NRF1: variants seen among roughly 807,000 people sequenced by gnomAD.
NRF1 encodes nuclear respiratory factor 1.
NRF1 carries 5 observed loss-of-function variants against 58.5 expected under a neutral mutation model. The observed-to-expected ratio is 0.09, with a 90% confidence interval of 0.04 to 0.18. The LOEUF is 0.18. Among genes scored for constraint, NRF1 ranks in the 10% least tolerant of loss-of-function variants. NRF1 has a pLI of 1.00. For missense variants in NRF1, 288 were observed against 657.7 expected (o/e 0.44, Z 6.15); for synonymous variants, 224 against 246.7 (o/e 0.91, Z 0.86).
At chr7:129,686,387 T>C (rs943702009) in intron 4 of NRF1, among the ~76,000 whole-genome samples, 2 of 152,164 alleles carry the variant, frequency 1.3e-5, no homozygotes, top group African/African-American at 4.8e-5. Context: ...GACTTTGTCC[T>C]ATAAGAAGTG....
intron 8 of NRF1, among the ~76,000 whole-genome samples, chr7:129,715,090 T>C (rs942004279): frequency 1.3e-5 from 2 of 152,200 alleles, no homozygotes; most frequent in African/African-American, 4.8e-5. Flanking sequence ...CCAGTATTTA[T>C]TGAGCAAAAC....
At chr7:129,615,047 G>T (rs1382924793) in intron 1 of NRF1, among the ~76,000 whole-genome samples, 3 of 152,138 alleles carry the variant, frequency 2.0e-5, no homozygotes, top group Admixed American at 2.0e-4. Flanking sequence ...TAAAGTTGAA[G>T]AATAATAACA....
intron 10 of NRF1, among the ~76,000 whole-genome samples, chr7:129,750,287 A>T (rs934035563): frequency 6.6e-6 from 1 of 152,214 alleles, no homozygotes; most frequent in South Asian, 2.1e-4. Context: ...ATGCAGGGAC[A>T]GTCCCAGCCT....
At chr7:129,626,662 T>A (rs1029133611) in intron 1 of NRF1, among the ~76,000 whole-genome samples, 2 of 152,230 alleles carry the variant, frequency 1.3e-5, no homozygotes, top group African/African-American at 4.8e-5. Context: ...CCTACTTTGG[T>A]GCTATCAGAT....
intron 2 of NRF1, among the ~76,000 whole-genome samples, chr7:129,670,651 T>G (rs796116804): frequency 1.7e-4 from 26 of 152,360 alleles, no homozygotes; most frequent in African/African-American, 5.8e-4. Flanking sequence ...TTAAAAAGAT[T>G]GTCTTTGATA....
chr7:129,744,311 C>A, intron 10 of NRF1: 3 of 1,251,076 alleles, frequency 2.4e-6, no homozygotes, highest in Non-Finnish European at 3.4e-6. Flanking sequence ...CTGCTTCCTG[C>A]TTGGATGGTG....
At chr7:129,623,914 A>G (rs1357021925) in intron 1 of NRF1, among the ~76,000 whole-genome samples, 2 of 152,230 alleles carry the variant, frequency 1.3e-5, no homozygotes, top group Non-Finnish European at 2.9e-5. Flanking sequence ...GGCGGGAGGT[A>G]GAGAATCTGA....
chr7:129,732,780 T>G (rs1803613292), intron 10 of NRF1, among the ~76,000 whole-genome samples: 1 of 152,082 alleles, frequency 6.6e-6, no homozygotes, highest in South Asian at 2.1e-4. Context: ...TTTTGTATTT[T>G]CAGTAGAGAC....
At chr7:129,731,553 A>G (rs1364698935) in intron 10 of NRF1, among the ~76,000 whole-genome samples, 1 of 152,172 alleles carries the variant, frequency 6.6e-6, no homozygotes, top group Non-Finnish European at 1.5e-5. Context: ...CTTTTCATTT[A>G]GATGTAGGTA....
chr7:129,643,049 A>G (rs899714439), intron 1 of NRF1, among the ~76,000 whole-genome samples: 3 of 152,190 alleles, frequency 2.0e-5, no homozygotes, highest in East Asian at 1.9e-4. Context: ...TACACATGCT[A>G]CAATAATGTA....
chr7:129,755,118 G>T lies in NRF1; in HGVS notation c.1449G>T (p.Arg483Ser), dbSNP rs756912629. The T allele has an allele frequency of 2.2e-5, 36 of 1,614,038 alleles. No homozygotes were observed. The highest frequency in any genetic ancestry group is 3.1e-5 in the Non-Finnish European group (36 of 1,179,978). ...TGGCCATGGCCCCTGTGACCACCAG[G>T]ATATCAGACAGCGCAGTCACCATGG... The part of the protein sequence containing the change: ...VQVAMAPVTT[R>S]ISDSAVTMDG... Residue 483 changes from arginine to serine, a missense_variant, in exon 11 of 11, where the codon AGG becomes AGT. Around this residue, in one of 3 missense-constraint regions of NRF1, gnomAD observed 28 missense variants for 32.6 expected, o/e 0.86. Transcript: ENST00000393232. The surrounding 1 kb of genome is among the most constrained non-coding windows in gnomAD (Gnocchi z 5.8).
At chr7:129,718,604 G>A (rs1803244381) in intron 9 of NRF1, among the ~76,000 whole-genome samples, 1 of 152,204 alleles carries the variant, frequency 6.6e-6, no homozygotes. Flanking sequence ...TACTTAGAGT[G>A]TAACTCACTA....
intron 9 of NRF1, among the ~76,000 whole-genome samples, chr7:129,721,955 C>T (rs1803337291): frequency 6.6e-6 from 1 of 152,168 alleles, no homozygotes; most frequent in Non-Finnish European, 1.5e-5. Flanking sequence ...TTCTTTCCTA[C>T]AGGTAAAGAT....
At chr7:129,688,069 C>T (rs1802482466) in intron 4 of NRF1, among the ~76,000 whole-genome samples, 1 of 152,152 alleles carries the variant, frequency 6.6e-6, no homozygotes, top group Non-Finnish European at 1.5e-5. Context: ...AAGTAGTAAC[C>T]TAATGATTTT....
At chr7:129,720,103 G>A (rs1803285978) in intron 9 of NRF1, among the ~76,000 whole-genome samples, 2 of 152,204 alleles carry the variant, frequency 1.3e-5, no homozygotes, top group Non-Finnish European at 2.9e-5. Flanking sequence ...GAAGGAGAAT[G>A]TGTTCACTGT....
Position 129,741,312 on chromosome 7 carries a change from T to TC in NRF1, c.1349-13704dup. Among the ~76,000 whole-genome samples, 1 of 152,178 alleles carries TC rather than the reference T, an allele frequency of 6.6e-6. No individual in the cohort carries two copies. The highest frequency in any genetic ancestry group is 1.5e-5 in the Non-Finnish European group (1 of 68,030). On this transcript the variant is annotated intron_variant, in intron 10 of 10. Transcript: ENST00000393232. The surrounding 1 kb of genome is among the most constrained non-coding windows in gnomAD (Gnocchi z 4.0). ...TGTGGTCTCCTCTCCATCCACGGTG[T>TC]CCTCAAGGCCAAGTTACATGCTTCT...
chr7:129,683,111 C>T (rs1467730459), intron 4 of NRF1, among the ~76,000 whole-genome samples: 2 of 151,628 alleles, frequency 1.3e-5, no homozygotes, highest in East Asian at 1.9e-4. Flanking sequence ...CCATGTTGGC[C>T]GGGCTGGTCT....
intron 10 of NRF1, among the ~76,000 whole-genome samples, chr7:129,737,053 A>G (rs919126545): frequency 2.0e-5 from 3 of 152,266 alleles, no homozygotes; most frequent in African/African-American, 4.8e-5. Flanking sequence ...GGGATGCATC[A>G]TAAATATAAA....
chr7:129,615,450 A>G (rs1244835994), intron 1 of NRF1, among the ~76,000 whole-genome samples: 1 of 152,252 alleles, frequency 6.6e-6, no homozygotes, highest in African/African-American at 2.4e-5. Context: ...ATATGTATAT[A>G]TAGAGTATTT....
Sources: allele counts gnomAD v4.1 joint callset (sites outside exome capture counted in the v4.1 genomes callset), GRCh38; gene constraint gnomAD v4.1.1; regional missense constraint gnomAD v4.1.1; non-coding constraint Gnocchi (gnomAD v3.1); transcripts MANE v1.5; gene names NCBI Gene and HGNC (gene_info 2026-07-23, HGNC 2026-07-21).